Variants in SLCO2A1 observed in about 807,000 individuals in gnomAD.
The protein encoded by SLCO2A1 is matrin F/G 1.
In SLCO2A1, 60 loss-of-function variants were observed where a neutral mutation model predicts 71.7. That is an observed-to-expected ratio of 0.84 (90% CI 0.68 to 1.04). SLCO2A1 has a LOEUF of 1.04. Ranked by LOEUF, SLCO2A1 falls within the 50% of genes least tolerant of loss-of-function variation. The pLI is 0.00. For synonymous variants in SLCO2A1, 308 were observed against 326.7 expected (o/e 0.94, Z 0.62); for missense variants, 745 against 813.4 (o/e 0.92, Z 1.02).
chr3:133,955,714 G>C (rs1933884312), intron 3 of SLCO2A1, among the ~76,000 whole-genome samples: 1 of 152,174 alleles, frequency 6.6e-6, no homozygotes, highest in Non-Finnish European at 1.5e-5. Context: ...CGTGGGTTGA[G>C]TCCCTGGTTG....
chr3:133,993,369 G>A (rs1934896022), intron 1 of SLCO2A1, among the ~76,000 whole-genome samples: 1 of 152,250 alleles, frequency 6.6e-6, no homozygotes, highest in Admixed American at 6.5e-5. Flanking sequence ...AATGGAGCAT[G>A]TGGATAGCTG....
chr3:133,986,014 T>C (rs1934705565), intron 1 of SLCO2A1, among the ~76,000 whole-genome samples: 1 of 152,236 alleles, frequency 6.6e-6, no homozygotes, highest in Non-Finnish European at 1.5e-5. Context: ...TGCAGCCATG[T>C]ATGAAGGGAC....
intron 3 of SLCO2A1, among the ~76,000 whole-genome samples, chr3:133,956,892 T>C (rs1035601014): frequency 6.6e-6 from 1 of 152,202 alleles, no homozygotes; most frequent in Non-Finnish European, 1.5e-5. Flanking sequence ...GGTGATGAGA[T>C]TGTGCTGATC....
chr3:133,971,814 G>A (rs1316144575), intron 3 of SLCO2A1, among the ~76,000 whole-genome samples: 1 of 152,124 alleles, frequency 6.6e-6, no homozygotes, highest in African/African-American at 2.4e-5. Context: ...CTTAAAACAA[G>A]TGCAAATTCA....
chr3:133,964,650 T>G (rs1283464697), intron 3 of SLCO2A1, among the ~76,000 whole-genome samples: 1 of 152,226 alleles, frequency 6.6e-6, no homozygotes, highest in Admixed American at 6.5e-5. Flanking sequence ...GGAACTGCTC[T>G]GCTTCTCTCT....
At position 133,999,644 on chromosome 3, in the gene SLCO2A1, C is replaced by G. The variant is rs752362535; in HGVS notation, c.97-20026G>C. 5.9e-5 allele frequency among the ~76,000 whole-genome samples: 9 copies of G among 152,102 alleles called. No homozygotes were observed. In the South Asian group the frequency reaches 1.7e-3, roughly 28 times the overall value. ...GAACACAGGAAGATGAGGAGAGATC[C>G]CTGGAAAAGTGAGGCTGGAGCTGAG... is the stretch of plus-strand genomic sequence containing the variant. On this transcript the variant is annotated intron_variant, in intron 1 of 13. Coordinates refer to ENST00000310926, the MANE Select transcript of SLCO2A1 (RefSeq NM_005630.3).
At chr3:133,961,508 A>G (rs1364949572) in intron 3 of SLCO2A1, among the ~76,000 whole-genome samples, 1 of 152,234 alleles carries the variant, frequency 6.6e-6, no homozygotes, top group African/African-American at 2.4e-5. Flanking sequence ...GATGGTAAAA[A>G]CATTGAATGA....
rs750807020 is a variant in SLCO2A1 at position 133,934,761 on chromosome 3, C to T, written c.1884G>A (p.Val628=). Residue 628 remains valine (V), a synonymous_variant, in exon 14 of 14, where the codon GTG becomes GTA. Transcript: ENST00000310926. ...MLLLCFISWR[V]KKNKEYNVQK... ...GCACGTTGTACTCCTTGTTCTTCTT[C>T]ACCCTCCAGCTGATGAAGCAAAGCA... is the stretch of plus-strand genomic sequence containing the variant. The T allele has an allele frequency of 6.2e-7, 1 of 1,613,510 alleles. No homozygotes were observed. The highest frequency in any genetic ancestry group is 8.5e-7 in the Non-Finnish European group (1 of 1,180,010).
At chr3:134,020,673 G>A (rs572341815) in intron 1 of SLCO2A1, among the ~76,000 whole-genome samples, 34 of 152,264 alleles carry the variant, frequency 2.2e-4, no homozygotes, top group African/African-American at 8.2e-4. Flanking sequence ...TGCCTTTATC[G>A]GCACTTTGGT....
intron 1 of SLCO2A1, among the ~76,000 whole-genome samples, chr3:134,013,884 C>A (rs939143113): frequency 2.0e-5 from 3 of 152,038 alleles, no homozygotes; most frequent in Non-Finnish European, 4.4e-5. Context: ...GCCACATCCC[C>A]AGACATCTCC....
chr3:134,005,141 A>G (rs1176094535), intron 1 of SLCO2A1, among the ~76,000 whole-genome samples: 2 of 152,224 alleles, frequency 1.3e-5, no homozygotes, highest in Non-Finnish European at 2.9e-5. Context: ...CACATTTCCT[A>G]TTAGGTTTCT....
At chr3:133,962,814 G>A (rs1934070968) in intron 3 of SLCO2A1, among the ~76,000 whole-genome samples, 1 of 152,188 alleles carries the variant, frequency 6.6e-6, no homozygotes, top group South Asian at 2.1e-4. Flanking sequence ...CTGTAGTAAG[G>A]TCAGGAACAT....
chr3:133,955,864 C>A (rs10460838), intron 3 of SLCO2A1, among the ~76,000 whole-genome samples: 54,357 of 152,018 alleles, frequency 0.36, 9,899 homozygotes, highest in Non-Finnish European at 0.36. Flanking sequence ...AAGACCCTCT[C>A]GTTCAGCCTC....
At chr3:134,029,596 G>A (rs1194107870) in intron 1 of SLCO2A1, 111 bp downstream of exon 1, 2 of 782,304 alleles carry the variant, frequency 2.6e-6, no homozygotes, top group East Asian at 3.0e-5. Context: ...CGGCACAGGA[G>A]GGAGCCCGGG....
chr3:133,966,868 C>A (rs1934190802), intron 3 of SLCO2A1, among the ~76,000 whole-genome samples: 1 of 152,202 alleles, frequency 6.6e-6, no homozygotes, highest in African/African-American at 2.4e-5. Context: ...TCCCTGTCTC[C>A]CTTGGGGATG....
chr3:133,966,928 C>T (rs1934192550), intron 3 of SLCO2A1, among the ~76,000 whole-genome samples: 1 of 152,216 alleles, frequency 6.6e-6, no homozygotes, highest in South Asian at 2.1e-4. Context: ...TTTCTTTGAA[C>T]CACATTTCCC....
chr3:134,026,976 G>T (rs1053755971), intron 1 of SLCO2A1, among the ~76,000 whole-genome samples: 5 of 152,208 alleles, frequency 3.3e-5, no homozygotes, highest in Admixed American at 1.3e-4. Context: ...AGTTATAATA[G>T]TAATAGGAAC....
chr3:134,023,515 C>T (rs1420813369), intron 1 of SLCO2A1, among the ~76,000 whole-genome samples: 1 of 152,126 alleles, frequency 6.6e-6, no homozygotes, highest in East Asian at 1.9e-4. Context: ...ATAAAGACCC[C>T]AGTGCCAACC....
chr3:133,983,263 G>T (rs1253766800), intron 1 of SLCO2A1, among the ~76,000 whole-genome samples: 1 of 152,146 alleles, frequency 6.6e-6, no homozygotes, highest in Non-Finnish European at 1.5e-5. Flanking sequence ...CCTTACTCAT[G>T]GCGAGGCCAC....
Sources: allele counts gnomAD v4.1 joint callset (sites outside exome capture counted in the v4.1 genomes callset), GRCh38; gene constraint gnomAD v4.1.1; transcripts MANE v1.5; gene names NCBI Gene and HGNC (gene_info 2026-07-23, HGNC 2026-07-21).